SAMMSON: variants seen among roughly 807,000 people sequenced by gnomAD.
The protein encoded by SAMMSON is long intergenic non-protein coding RNA 1212.
intron 7 of SAMMSON, among the ~76,000 whole-genome samples, chr3:70,336,076 G>T (rs1354012493): frequency 6.6e-6 from 1 of 151,908 alleles, no homozygotes; most frequent in Non-Finnish European, 1.5e-5. Flanking sequence ...TCCATTCAAG[G>T]TCAAATTTAT....
At chr3:70,415,270 G>T (rs896846116) in intron 2 of SAMMSON, among the ~76,000 whole-genome samples, 2 of 152,160 alleles carry the variant, frequency 1.3e-5, no homozygotes, top group African/African-American at 4.8e-5. Context: ...TCAAGCGCAT[G>T]TTGCCCTTGG....
At chr3:70,389,614 T>G (rs1255494035) in exon 10 of SAMMSON, 1 of 152,166 alleles carries the variant, frequency 6.6e-6, no homozygotes, top group African/African-American at 2.4e-5. Context: ...CAGGCTGGCC[T>G]TTGTGACTTG....
chr3:70,392,900 A>G (rs1681345427), downstream of SAMMSON, among the ~76,000 whole-genome samples: 1 of 152,140 alleles, frequency 6.6e-6, no homozygotes, highest in South Asian at 2.1e-4. Flanking sequence ...AGGCACGGGC[A>G]GTAAGGGGTG....
At chr3:70,417,107 TG>T (rs1033627697) in intron 2 of SAMMSON, among the ~76,000 whole-genome samples, 1 of 152,094 alleles carries the variant, frequency 6.6e-6, no homozygotes, top group African/African-American at 2.4e-5. Context: ...AGAAGCCAAC[TG>T]GAACAAAGCC....
At chr3:70,245,782 A>T (rs565097970) in intron 4 of SAMMSON, among the ~76,000 whole-genome samples, 1 of 146,448 alleles carries the variant, frequency 6.8e-6, no homozygotes, top group African/African-American at 2.5e-5. Flanking sequence ...GACATCATGA[A>T]GGTTGACAAT....
At chr3:70,298,127 G>C (rs945082640) in intron 7 of SAMMSON, among the ~76,000 whole-genome samples, 4 of 152,044 alleles carry the variant, frequency 2.6e-5, no homozygotes, top group Non-Finnish European at 5.9e-5. Flanking sequence ...GACCAGATAA[G>C]GATATTTGAA....
rs116562610 is a variant in SAMMSON, at chr3:70,304,810, C to A, written n.739+13567C>A. ...CCCGTGGCTTCTAATTCCAAATAGG[C>A]GAAAAAAATATCCAGATTCCCAACT... is the stretch of plus-strand genomic sequence containing the variant. On this transcript the variant is annotated intron_variant and non_coding_transcript_variant, in intron 7 of 9. Transcript: ENST00000642114. Among the ~76,000 whole-genome samples the A allele has an allele frequency of 3.9e-3, 590 of 152,148 alleles. 1 individual carries two copies. The highest frequency in any genetic ancestry group is 5.2e-3 in the Non-Finnish European group (351 of 68,000).
rs1393447265 is a variant in SAMMSON at position 70,033,428 on chromosome 3, AG to A, written n.417+19757del. ...CAGAAGGGCTGCCATAACATCACCAAGAACCATGGGGTGTTTCTTGGTGGCA... is the reference window on the plus strand; with the variant it reads ...CAGAAGGGCTGCCATAACATCACCAAAACCATGGGGTGTTTCTTGGTGGCA... On this transcript the variant is annotated intron_variant and non_coding_transcript_variant, in intron 3 of 9. Transcript: ENST00000642114. 2.0e-5 allele frequency among the ~76,000 whole-genome samples: 3 copies of A among 152,112 alleles called. No homozygotes were observed. In the East Asian group the frequency reaches 5.8e-4, roughly 29 times the overall value.
At chr3:70,369,103 T>C (rs1184147659) in intron 9 of SAMMSON, among the ~76,000 whole-genome samples, 3 of 151,772 alleles carry the variant, frequency 2.0e-5, no homozygotes, top group Middle Eastern at 3.4e-3. Flanking sequence ...TTTTTGGTGC[T>C]ATTATAAATG....
At chr3:70,345,581 A>T (rs1702743927) in intron 7 of SAMMSON, among the ~76,000 whole-genome samples, 1 of 152,170 alleles carries the variant, frequency 6.6e-6, no homozygotes. Context: ...TCATCTATTC[A>T]CCAGTACAGT....
At chr3:70,073,237 A>G (rs970248995) in intron 4 of SAMMSON, among the ~76,000 whole-genome samples, 3 of 152,126 alleles carry the variant, frequency 2.0e-5, no homozygotes, top group African/African-American at 7.2e-5. Flanking sequence ...GTGCAGGTAC[A>G]GTATAAAAAA....
chr3:70,162,354 A>C (rs1461865494), intron 4 of SAMMSON, among the ~76,000 whole-genome samples: 1 of 151,910 alleles, frequency 6.6e-6, no homozygotes, highest in Non-Finnish European at 1.5e-5. Context: ...CATTCTGCTC[A>C]AAATACTTTC....
intron 6 of SAMMSON, among the ~76,000 whole-genome samples, chr3:70,266,013 G>A (rs2106666102): frequency 6.6e-6 from 1 of 152,256 alleles, no homozygotes; most frequent in Non-Finnish European, 1.5e-5. Flanking sequence ...GAGACACAAA[G>A]CCTAATCATA....
chr3:70,059,355 T>C (rs1191790106), intron 3 of SAMMSON, among the ~76,000 whole-genome samples: 1 of 151,818 alleles, frequency 6.6e-6, no homozygotes, highest in Admixed American at 6.6e-5. Flanking sequence ...TAGAAGGAGA[T>C]TGATATGAGA....
At chr3:70,312,960 G>C (rs1702468031) in intron 7 of SAMMSON, among the ~76,000 whole-genome samples, 1 of 152,200 alleles carries the variant, frequency 6.6e-6, no homozygotes, top group South Asian at 2.1e-4. Flanking sequence ...GGCTATTTTG[G>C]TTAAAAGAAA....
At chr3:70,313,315 A>T (rs1027072551) in intron 7 of SAMMSON, among the ~76,000 whole-genome samples, 22 of 150,698 alleles carry the variant, frequency 1.5e-4, no homozygotes, top group Non-Finnish European at 2.1e-4. Flanking sequence ...AAAAATTTAA[A>T]TTTTTTTTTT....
chr3:70,150,946 G>A (rs542878843), intron 4 of SAMMSON, among the ~76,000 whole-genome samples: 2 of 151,960 alleles, frequency 1.3e-5, no homozygotes, highest in Non-Finnish European at 2.9e-5. Context: ...TAAAAAATGT[G>A]ACATTCTGGG....
At chr3:70,395,912 G>A (rs1701089038) in intron 2 of SAMMSON, among the ~76,000 whole-genome samples, 1 of 152,102 alleles carries the variant, frequency 6.6e-6, no homozygotes, top group South Asian at 2.1e-4. Context: ...CTGAACCTCA[G>A]CTCATCCAAC....
chr3:70,106,966 G>A (rs1208477371), intron 4 of SAMMSON, among the ~76,000 whole-genome samples: 2 of 152,196 alleles, frequency 1.3e-5, no homozygotes, highest in African/African-American at 4.8e-5. Flanking sequence ...CAATCTGAGT[G>A]ACATCCACAA....
Sources: allele counts gnomAD v4.1 joint callset (sites outside exome capture counted in the v4.1 genomes callset), GRCh38; gene constraint gnomAD v4.1.1; transcripts MANE v1.5; gene names NCBI Gene and HGNC (gene_info 2026-07-23, HGNC 2026-07-21).